Variants in PTPRE observed in about 807,000 individuals in gnomAD.
PTPRE encodes the protein protein tyrosine phosphatase receptor type E.
PTPRE carries 51 observed loss-of-function variants against 102.0 expected under a neutral mutation model. The ratio of observed to expected loss-of-function variants is 0.50; its 90% CI spans 0.40 to 0.63. The LOEUF (loss-of-function observed/expected upper bound fraction) is 0.63, where lower values mean the gene tolerates loss of function less well. Ranked by LOEUF, PTPRE falls within the 30% of genes least tolerant of loss-of-function variation. PTPRE has a pLI of 0.00. For synonymous variants in PTPRE, 345 were observed against 348.2 expected, an observed-to-expected ratio of 0.99 and a Z score of 0.10; for missense variants, 752 against 915.1, an observed-to-expected ratio of 0.82 and a Z score of 2.30.
chr10:127,948,670 T>A (rs1357466257), intron 1 of PTPRE, among the ~76,000 whole-genome samples: 1 of 152,212 alleles, frequency 6.6e-6, no homozygotes, highest in Admixed American at 6.5e-5. Context: ...CTTCCCAGGC[T>A]TTTCATGAGT....
At chr10:128,009,261 T>C (rs995572289) in intron 2 of PTPRE, among the ~76,000 whole-genome samples, 2 of 152,212 alleles carry the variant, frequency 1.3e-5, no homozygotes, top group African/African-American at 4.8e-5. Context: ...ATAAAATGGA[T>C]TTTGTTGCCT....
rs113540359 is a variant in PTPRE at position 127,959,229 on chromosome 10, C to A, written c.-30-23045C>A. The stretch of plus-strand genomic sequence containing the variant: ...CTATTTTCTTTTTTTAAACAGAAAT[C>A]CAGGTTAACAACAAGTTGGGACTTG... On this transcript the variant is annotated intron_variant, in intron 1 of 20. Coordinates refer to ENST00000254667, the MANE Select transcript of PTPRE (RefSeq NM_006504.6). Among the ~76,000 whole-genome samples, 100 of 152,278 alleles carry A rather than the reference C, an allele frequency of 6.6e-4. 1 individual carries two copies. Among genetic ancestry groups the A allele is most frequent in the African/African-American group, 2.2e-3 (92 of 41,544 alleles).
chr10:127,999,111 C>G (rs1412387479), intron 2 of PTPRE: 1 of 152,168 alleles, frequency 6.6e-6, no homozygotes, highest in East Asian at 1.9e-4. Context: ...TTTAAAGTTT[C>G]AGTTACAAGA....
chr10:127,911,179 A>G (rs1845844516), intron 1 of PTPRE, among the ~76,000 whole-genome samples: 1 of 152,236 alleles, frequency 6.6e-6, no homozygotes, highest in Admixed American at 6.5e-5. Flanking sequence ...CCAGATCAGT[A>G]GGTCAAATCA....
Position 128,068,257 on chromosome 10 carries a change from G to A in PTPRE, c.978G>A (p.Val326=). ...FLKKVKTLNP[V]HAGPIVVHCS... ...AGAAAGTAAAGACGCTCAACCCCGT[G>A]CACGCTGGGCCCATCGTGGTCCACT... Residue 326 remains valine, a synonymous_variant, in exon 12 of 21, where the codon GTG becomes GTA. Transcript: ENST00000254667. 6.2e-7 allele frequency: 1 copy of A among 1,614,084 alleles called. No individual in the cohort carries two copies. Among genetic ancestry groups the A allele is most frequent in the East Asian group, 2.2e-5 (1 of 44,874 alleles).
At chr10:128,010,883 T>G (rs1159443428) in intron 2 of PTPRE, among the ~76,000 whole-genome samples, 3 of 152,084 alleles carry the variant, frequency 2.0e-5, no homozygotes, top group Non-Finnish European at 4.4e-5. Context: ...GAGCCACTGC[T>G]CCCGGCCTTA....
chr10:127,964,864 C>G (rs1022577549), intron 1 of PTPRE: 14 of 367,848 alleles, frequency 3.8e-5, no homozygotes, highest in African/African-American at 3.0e-4. Flanking sequence ...TGTCAGAAGC[C>G]GAGCTCATCA....
chr10:127,979,392 T>C (rs942919634), intron 1 of PTPRE, among the ~76,000 whole-genome samples: 6 of 152,264 alleles, frequency 3.9e-5, no homozygotes, highest in African/African-American at 1.2e-4. Context: ...AAGTCTTCAC[T>C]TGGTAAAGGT....
At chr10:128,045,515 A>T (rs900559097) in intron 3 of PTPRE, among the ~76,000 whole-genome samples, 1 of 152,184 alleles carries the variant, frequency 6.6e-6, no homozygotes, top group Non-Finnish European at 1.5e-5. Flanking sequence ...ACCTGGGTAC[A>T]TTCGAGAGGG....
At position 128,049,640 on chromosome 10, in the gene PTPRE, T is replaced by C; in HGVS notation, c.394T>C (p.Cys132Arg). 6.2e-7 allele frequency: 1 copy of C among 1,613,962 alleles called. No individual in the cohort carries two copies. Among genetic ancestry groups the C allele is most frequent in the Non-Finnish European group, 8.5e-7 (1 of 1,180,032 alleles). The change falls in exon 6 of 21, where the codon TGC (cysteine) becomes CGC (arginine). Residue 132 changes from cysteine (C) to arginine (R), a missense_variant. Physicochemically the swap from Cys to Arg is radical, Grantham distance 180. Around this residue, in one of 2 missense-constraint regions of PTPRE, gnomAD observed 636 missense variants for 824.4 expected, o/e 0.77. Transcript: ENST00000254667. ...GATCCGTATCAGATCCGCCGACGACTGCAAGCAGTTTCGGGAGGAGTTCAA... is the reference window on the plus strand; with the variant it reads ...GATCCGTATCAGATCCGCCGACGACCGCAAGCAGTTTCGGGAGGAGTTCAA... ...EEIRIRSADD[C>R]KQFREEFNSL...
chr10:127,907,385 GCGCTGCCTCGGC>G lies in PTPRE; in HGVS notation c.-31+84_-31+95del, dbSNP rs1222047352. On this transcript the variant is annotated intron_variant, in intron 1 of 20. Transcript: ENST00000254667. This position sits in a 1 kb window ranked among gnomAD's most constrained non-coding sequence, Gnocchi z 4.8. ...CCCCGGGAGGCCCAAGCAGGCCGGG[GCGCTGCCTCGGC>G]CGCTGCCGCGGGAGGGAGGGGCCGC... 6.0e-5 allele frequency: 58 copies of G among 970,006 alleles called. No homozygotes were observed. The highest frequency in any genetic ancestry group is 1.9e-4 in the African/African-American group (11 of 56,858). 60.1% of individuals were successfully genotyped at this position (970,006 alleles called of 1,614,324 possible).
rs376982041 is a variant in PTPRE, at chr10:127,991,010, C to T, written c.-8+8714C>T. ...TGAGGGCCATTCTGGCAAATGGTTC[C>T]GGGGGCCGCGTGATGGTTTATGTTG... is the stretch of plus-strand genomic sequence containing the variant. On this transcript the variant is annotated intron_variant, in intron 2 of 20. Transcript: ENST00000254667. Among the ~76,000 whole-genome samples, 44 of 152,212 alleles carry T rather than the reference C, an allele frequency of 2.9e-4. No homozygotes were observed. The South Asian group carries it at 8.3e-3, about 29-fold the overall frequency.
chr10:127,998,152 C>G (rs1474023843), intron 2 of PTPRE: 1 of 152,212 alleles, frequency 6.6e-6, no homozygotes, highest in African/African-American at 2.4e-5. Flanking sequence ...CAGTCAGTAG[C>G]GCTGGCTGTC....
chr10:127,935,253 A>C (rs574408241), intron 1 of PTPRE, among the ~76,000 whole-genome samples: 1 of 152,262 alleles, frequency 6.6e-6, no homozygotes, highest in East Asian at 1.9e-4. Context: ...CCCGTGGTGC[A>C]AACGTGGCCT....
At chr10:127,963,823 C>T (rs1356429810) in intron 1 of PTPRE, among the ~76,000 whole-genome samples, 3 of 152,224 alleles carry the variant, frequency 2.0e-5, no homozygotes, top group Non-Finnish European at 4.4e-5. Flanking sequence ...TCTGGGAAGC[C>T]CATGACCCTT....
At chr10:127,995,180 A>G (rs1853123294) in intron 2 of PTPRE, among the ~76,000 whole-genome samples, 1 of 152,136 alleles carries the variant, frequency 6.6e-6, no homozygotes. Flanking sequence ...AGGCCCTGGC[A>G]TTCAAACTCA....
rs372978293 is a variant in PTPRE, at chr10:128,082,892, G to A, written c.2089G>A (p.Ala697Thr). 13 of 1,549,622 alleles carry A rather than the reference G, an allele frequency of 8.4e-6. No individual in the cohort carries two copies. Among genetic ancestry groups the A allele is most frequent in the Non-Finnish European group, 1.1e-5 (13 of 1,157,056 alleles). Residue 697 changes from alanine to threonine, a missense_variant, in exon 21 of 21, where the codon GCT becomes ACT. Coordinates refer to ENST00000254667, the MANE Select transcript of PTPRE (RefSeq NM_006504.6). ...QDFIDIFSDY[A>T]NFK ...TTTTATTGATATATTTTCTGATTATGCTAATTTCAAATGAAGATTCCTGCC... is the reference window on the plus strand; with the variant it reads ...TTTTATTGATATATTTTCTGATTATACTAATTTCAAATGAAGATTCCTGCC...
chr10:128,077,750 A>G lies in PTPRE; in HGVS notation c.1859A>G (p.Gln620Arg). 2 of 1,607,702 alleles carry G rather than the reference A, an allele frequency of 1.2e-6. No individual in the cohort carries two copies. Among genetic ancestry groups the G allele is most frequent in the Non-Finnish European group, 1.7e-6 (2 of 1,174,726 alleles). Residue 620 changes from glutamine (Q) to arginine (R), a missense_variant, in exon 19 of 21, where the codon CAG becomes CGG. Gln to Arg is a conservative substitution (Grantham distance 43). Around this residue, in one of 2 missense-constraint regions of PTPRE, gnomAD observed 636 missense variants for 824.4 expected, o/e 0.77. Transcript: ENST00000254667. Reference protein sequence around the residue: ...LIAAVQKQQQQTGNHPITVHC... With the variant: ...LIAAVQKQQQRTGNHPITVHC... ...GCAGCCGTGCAGAAGCAGCAGCAGC[A>G]GACAGGCAACCACCCCATCACCGTG...
At chr10:128,009,787 G>A (rs1844824714) in intron 2 of PTPRE, among the ~76,000 whole-genome samples, 1 of 152,210 alleles carries the variant, frequency 6.6e-6, no homozygotes, top group African/African-American at 2.4e-5. Flanking sequence ...ATGAAATGGA[G>A]GAAATTTATT....
Sources: allele counts gnomAD v4.1 joint callset (sites outside exome capture counted in the v4.1 genomes callset), GRCh38; gene constraint gnomAD v4.1.1; regional missense constraint gnomAD v4.1.1; non-coding constraint Gnocchi (gnomAD v3.1); transcripts MANE v1.5; gene names NCBI Gene and HGNC (gene_info 2026-07-23, HGNC 2026-07-21).